Variants in STX12 observed in about 807,000 individuals in gnomAD.
STX12 encodes syntaxin-12.
STX12 carries 17 observed loss-of-function variants against 42.2 expected under a neutral mutation model. That is an observed-to-expected ratio of 0.40 (90% CI 0.28 to 0.60). STX12 has a LOEUF of 0.60. Among genes scored for constraint, STX12 ranks in the 20% least tolerant of loss-of-function variants. The pLI, the probability that STX12 is intolerant of heterozygous loss-of-function variation, is 0.39. For missense variants in STX12, 297 were observed against 330.9 expected, an observed-to-expected ratio of 0.90 and a Z score of 0.79; for synonymous variants, 108 against 116.7, an observed-to-expected ratio of 0.93 and a Z score of 0.48.
rs1335456770 is a variant in STX12 at position 27,822,566 on chromosome 1, T to C, written c.*237T>C. ...ATTAACTTATGTGGATTTTGCTTCC[T>C]CTTGTATTCTGATTGCCCTTCATCC... On this transcript the variant is annotated 3_prime_UTR_variant, in exon 9 of 9. Transcript: ENST00000373943. 6 of 384,690 alleles carry C rather than the reference T, an allele frequency of 1.6e-5. No individual in the cohort carries two copies. In the East Asian group the frequency reaches 2.5e-4, roughly 16 times the overall value. 23.8% of individuals were successfully genotyped at this position (384,690 alleles called of 1,614,324 possible). A position where few individuals can be genotyped will look rare whatever the true frequency, so the allele number is the denominator to read the frequency against.
At position 27,823,713 on chromosome 1, in the gene STX12, A is replaced by G. The variant is rs1397052858; in HGVS notation, c.*1384A>G. On this transcript the variant is annotated 3_prime_UTR_variant, in exon 9 of 9. Transcript: ENST00000373943. Reference sequence around the variant, plus strand: ...AGTAGGGAAGCAAGGGCCCAAATGCATAAGTTTCTTTGCACTGTTGCACTT... The same window carrying G: ...AGTAGGGAAGCAAGGGCCCAAATGCGTAAGTTTCTTTGCACTGTTGCACTT... The G allele has an allele frequency of 3.9e-5, 6 of 152,682 alleles. No individual in the cohort carries two copies. Among genetic ancestry groups the G allele is most frequent in the Non-Finnish European group, 7.3e-5 (5 of 68,044 alleles). The allele number at this position is 152,682 out of a possible 1,614,324, so 9.5% of individuals were successfully genotyped here.
intron 4 of STX12, 24 bp downstream of exon 4, chr1:27,801,839 C>A (rs751601592): frequency 1.3e-6 from 2 of 1,562,830 alleles, no homozygotes; most frequent in South Asian, 1.2e-5. Flanking sequence ...CAAAAGAAGA[C>A]CTTTGCAATA....
intron 3 of STX12, among the ~76,000 whole-genome samples, chr1:27,798,367 A>C (rs1048566479): frequency 1.3e-5 from 2 of 151,858 alleles, no homozygotes; most frequent in Non-Finnish European, 2.9e-5. Flanking sequence ...AAAATTAGCC[A>C]GGCACGGTGG....
chr1:27,817,717 C>A, intron 6 of STX12, 134 bp from the exon 7 acceptor site: 1 of 705,454 alleles, frequency 1.4e-6, no homozygotes, highest in Non-Finnish European at 2.4e-6. Context: ...AGATTATTTT[C>A]TGTTTATGGA....
chr1:27,781,076 C>T (rs2088664963), intron 1 of STX12, among the ~76,000 whole-genome samples: 1 of 152,064 alleles, frequency 6.6e-6, no homozygotes, highest in South Asian at 2.1e-4. Context: ...TGGAGTCTTG[C>T]TCTGTCACTC....
chr1:27,818,014 A>G, intron 7 of STX12, 91 bp downstream of exon 7: 1 of 1,083,052 alleles, frequency 9.2e-7, no homozygotes, highest in Non-Finnish European at 1.4e-6. Flanking sequence ...CTGAGGCTGA[A>G]GCACCATCTA....
chr1:27,817,802 C>A, intron 6 of STX12, 49 bp from the exon 7 acceptor site: 1 of 1,554,480 alleles, frequency 6.4e-7, no homozygotes, highest in Non-Finnish European at 8.9e-7. Flanking sequence ...GGAAACAAAT[C>A]TTCTAACATG....
In STX12 at chr1:27,824,300, C is replaced by T. The variant is rs1382789576; in HGVS notation, c.*1971C>T. Reference sequence around the variant, plus strand: ...AAAATAAAGTGACCATGCTTTTGTTCTGTAATACTGTGTGACCTGTGGTTG... The same window carrying T: ...AAAATAAAGTGACCATGCTTTTGTTTTGTAATACTGTGTGACCTGTGGTTG... On this transcript the variant is annotated 3_prime_UTR_variant, in exon 9 of 9. Transcript: ENST00000373943. 1 of 152,170 alleles carries T rather than the reference C, an allele frequency of 6.6e-6. No homozygotes were observed. Among genetic ancestry groups the T allele is most frequent in the Non-Finnish European group, 1.5e-5 (1 of 68,028 alleles). 9.4% of individuals were successfully genotyped at this position (152,170 alleles called of 1,614,324 possible).
Position 27,795,466 on chromosome 1 carries a change from C to A in STX12, c.288+1834C>A, listed in dbSNP as rs187463274. On this transcript the variant is annotated intron_variant, in intron 3 of 8. Transcript: ENST00000373943. ...GATTGCAGGCACCCACTACCACGCTCGGCTAATTTTTGTATTTTTAGTAGA... is the reference window on the plus strand; with the variant it reads ...GATTGCAGGCACCCACTACCACGCTAGGCTAATTTTTGTATTTTTAGTAGA... 6.6e-5 allele frequency among the ~76,000 whole-genome samples: 10 copies of A among 152,100 alleles called. No individual in the cohort carries two copies. The East Asian group carries it at 1.6e-3, about 24-fold the overall frequency.
At chr1:27,787,268 T>TA (rs1181871024) in intron 1 of STX12, among the ~76,000 whole-genome samples, 2 of 152,202 alleles carry the variant, frequency 1.3e-5, no homozygotes, top group African/African-American at 4.8e-5. Context: ...AACGTGTACT[T>TA]ACTACTAAGG....
intron 1 of STX12, among the ~76,000 whole-genome samples, chr1:27,778,616 G>T (rs891266140): frequency 6.6e-6 from 1 of 151,906 alleles, no homozygotes; most frequent in African/African-American, 2.4e-5. Context: ...GCCTGAACTG[G>T]GGAGGTGCAG....
chr1:27,798,067 A>G (rs76532669), intron 3 of STX12, among the ~76,000 whole-genome samples: 3,665 of 152,266 alleles, frequency 0.024, 129 homozygotes, highest in African/African-American at 0.082. Flanking sequence ...CATTGTATAG[A>G]TAAATGAATT....
chr1:27,815,480 A>G (rs915313053), intron 6 of STX12, among the ~76,000 whole-genome samples: 9 of 152,166 alleles, frequency 5.9e-5, no homozygotes, highest in Admixed American at 5.9e-4. Flanking sequence ...GGCACAACTC[A>G]TGTCTTACCT....
intron 1 of STX12, 135 bp from the exon 2 acceptor site, chr1:27,789,427 T>C: frequency 1.9e-6 from 1 of 530,684 alleles, no homozygotes; most frequent in South Asian, 2.6e-5. Flanking sequence ...AAGGTTTTGA[T>C]CATAGCATGG....
chr1:27,817,570 A>G (rs184718432), intron 6 of STX12, among the ~76,000 whole-genome samples: 184 of 152,320 alleles, frequency 1.2e-3, no homozygotes, highest in Non-Finnish European at 3.1e-4. Context: ...GAATTTGTCT[A>G]TATCAGCACT....
chr1:27,799,720 G>A (rs2088814227), intron 3 of STX12, among the ~76,000 whole-genome samples: 1 of 151,886 alleles, frequency 6.6e-6, no homozygotes, highest in African/African-American at 2.4e-5. Context: ...CTGGCCTCGT[G>A]ATCTGCCTGC....
At chr1:27,797,078 G>A (rs1186570154) in intron 3 of STX12, among the ~76,000 whole-genome samples, 5 of 151,318 alleles carry the variant, frequency 3.3e-5, no homozygotes, top group African/African-American at 1.2e-4. Context: ...GTGCAGTGGC[G>A]TGATCTGCAC....
chr1:27,796,017 T>C (rs184653747), intron 3 of STX12, among the ~76,000 whole-genome samples: 89 of 152,348 alleles, frequency 5.8e-4, no homozygotes, highest in Non-Finnish European at 9.8e-4. Flanking sequence ...AAGCAAAATA[T>C]AAATAGAAAA....
chr1:27,803,407 ATCTTGAATGT>A (rs1197017659), intron 4 of STX12, among the ~76,000 whole-genome samples: 1 of 152,234 alleles, frequency 6.6e-6, no homozygotes, highest in African/African-American at 2.4e-5. Context: ...GTAGAGTGCT[ATCTTGAATGT>A]TGATGAAGGA....
Sources: gnomAD v4.1 joint callset for allele counts (sites outside exome capture counted in the v4.1 genomes callset) on GRCh38, gnomAD v4.1.1 for gene constraint, MANE v1.5 for transcripts, NCBI Gene and HGNC (gene_info 2026-07-23, HGNC 2026-07-21) for gene names.